Variants in RASGRF1 observed in about 807,000 individuals in gnomAD.
RASGRF1 encodes the protein ras-specific guanine nucleotide-releasing factor 1.
A neutral mutation model predicts 138.7 loss-of-function variants in RASGRF1; 40 were observed. The ratio of observed to expected loss-of-function variants is 0.29; its 90% CI spans 0.22 to 0.38. The LOEUF (loss-of-function observed/expected upper bound fraction) is 0.38. Among genes scored for constraint, RASGRF1 ranks in the 10% least tolerant of loss-of-function variants. The probability of loss-of-function intolerance (pLI) is 1.00; values close to 1 mark genes in which losing one functional copy is unlikely to be tolerated. For synonymous variants in RASGRF1, 614 were observed against 663.2 expected, an observed-to-expected ratio of 0.93 and a Z score of 1.14; for missense variants, 1,108 against 1,650.4, an observed-to-expected ratio of 0.67 and a Z score of 5.69.
At chr15:79,062,112 G>T (rs1287583625) in intron 2 of RASGRF1, among the ~76,000 whole-genome samples, 2 of 152,084 alleles carry the variant, frequency 1.3e-5, no homozygotes, top group East Asian at 3.8e-4. Flanking sequence ...ATAAGTATTG[G>T]TATTTCATTA....
At chr15:79,039,296 C>CAAAAAAAA (rs71148587) in intron 5 of RASGRF1, among the ~76,000 whole-genome samples, 2 of 50,370 alleles carry the variant, frequency 4.0e-5, no homozygotes, top group Admixed American at 2.7e-4. Flanking sequence ...GACCCTGTCT[C>CAAAAAAAA]AAAAAAAAAA....
intron 20 of RASGRF1, among the ~76,000 whole-genome samples, chr15:78,995,286 C>CT (rs2056367196): frequency 3.0e-5 from 2 of 66,764 alleles, no homozygotes; most frequent in South Asian, 8.8e-4. Flanking sequence ...TTTCTTTTTT[C>CT]TTTCTTTTTT....
rs756787697 is a variant in RASGRF1, at chr15:78,971,911, A to G, written c.3636T>C (p.Ile1212=). 2 of 1,588,316 alleles carry G rather than the reference A, an allele frequency of 1.3e-6. No homozygotes were observed. The highest frequency in any genetic ancestry group is 1.7e-6 in the Non-Finnish European group (2 of 1,156,434). ...TGTAGGCAGTTTGTTGAAACTGGCG[A>G]ATCTCTCGGATAATATGGGATATCT... ...MRMISHIIRE[I]RQFQQTAYKI... Residue 1212 remains isoleucine (I), a synonymous_variant, in exon 26 of 27, where the codon ATT becomes ATC. Transcript: ENST00000558480.
rs556311421 is a variant in RASGRF1, at chr15:79,005,244, G to A, written c.2075+942C>T. ...AGAGGGAACGGGTGTATTCTGGGTCGTTGCGTTGCTCTGGCAGCAGAGGTG... is the reference window on the plus strand; with the variant it reads ...AGAGGGAACGGGTGTATTCTGGGTCATTGCGTTGCTCTGGCAGCAGAGGTG... On this transcript the variant is annotated intron_variant, in intron 14 of 26. Coordinates refer to ENST00000558480, the MANE Select transcript of RASGRF1 (RefSeq NM_001145648.3). The A allele has an allele frequency of 7.9e-5, 78 of 985,648 alleles. No individual in the cohort carries two copies. The South Asian group carries it at 2.4e-3, about 30-fold the overall frequency. The allele number at this position is 985,648 out of a possible 1,614,324, so 61.1% of individuals were successfully genotyped here. A position where few individuals can be genotyped will look rare whatever the true frequency, so the allele number is the denominator to read the frequency against.
chr15:79,025,096 C>T (rs1460063365), intron 10 of RASGRF1, among the ~76,000 whole-genome samples: 4 of 152,190 alleles, frequency 2.6e-5, no homozygotes, highest in Non-Finnish European at 5.9e-5. Context: ...CCTCGATTCT[C>T]ACCTTCCCAT....
rs1209360886 is a variant in RASGRF1, at chr15:78,961,014, G to A, written c.*1130C>T. 1.3e-5 allele frequency: 2 copies of A among 152,196 alleles called. No homozygotes were observed. The highest frequency in any genetic ancestry group is 4.8e-5 in the African/African-American group (2 of 41,456). 9.4% of individuals were successfully genotyped at this position (152,196 alleles called of 1,614,324 possible). On this transcript the variant is annotated 3_prime_UTR_variant, in exon 27 of 27. Coordinates refer to ENST00000558480, the MANE Select transcript of RASGRF1 (RefSeq NM_001145648.3). ...CAAGCTGTAAGTTGAAATATTTTAG[G>A]ACTTGAAATAGAATTCTCATACCAC...
chr15:79,033,885 C>T (rs911828712), intron 6 of RASGRF1, among the ~76,000 whole-genome samples: 5 of 152,154 alleles, frequency 3.3e-5, no homozygotes, highest in Non-Finnish European at 7.4e-5. Context: ...TCACCGTGCT[C>T]GGCCAAAACA....
intron 25 of RASGRF1, among the ~76,000 whole-genome samples, chr15:78,972,592 C>T (rs868836398): frequency 1.1e-4 from 16 of 152,106 alleles, no homozygotes; most frequent in Non-Finnish European, 2.9e-5. Context: ...TTCCTTAGCG[C>T]CTGCTGTGCA....
chr15:79,022,830 A>G (rs75537773), intron 10 of RASGRF1, among the ~76,000 whole-genome samples: 17,478 of 152,248 alleles, frequency 0.11, 1,235 homozygotes, highest in Middle Eastern at 0.16. Flanking sequence ...GTTATGGGCC[A>G]GGCATCCAGG....
At chr15:79,005,818 C>T (rs1175487754) in intron 14 of RASGRF1, among the ~76,000 whole-genome samples, 1 of 148,670 alleles carries the variant, frequency 6.7e-6, no homozygotes, top group East Asian at 2.1e-4. Flanking sequence ...CCTTCCCCTC[C>T]TCATTTCCTT....
chr15:79,059,094 A>C, intron 2 of RASGRF1, among the ~76,000 whole-genome samples: 1 of 148,160 alleles, frequency 6.7e-6, no homozygotes, highest in Non-Finnish European at 1.5e-5. Flanking sequence ...CCCTCTTCCA[A>C]CCCTCCCTCC....
rs1407586049 is a variant in RASGRF1 at position 78,966,340 on chromosome 15, G to C, written c.3682-4104C>G. On this transcript the variant is annotated intron_variant, in intron 26 of 26. Coordinates refer to ENST00000558480, the MANE Select transcript of RASGRF1 (RefSeq NM_001145648.3). ...TAGCCTCAACCTCTTGGGCTCAAGT[G>C]ATCTTTCTGCCTTAGCCTCCTGAGT... Among the ~76,000 whole-genome samples, 3 of 149,250 alleles carry C rather than the reference G, an allele frequency of 2.0e-5. No individual in the cohort carries two copies. The Admixed American group carries it at 2.0e-4, about 10-fold the overall frequency.
At chr15:79,026,606 C>T (rs893635155) in intron 9 of RASGRF1, among the ~76,000 whole-genome samples, 2 of 152,156 alleles carry the variant, frequency 1.3e-5, no homozygotes, top group African/African-American at 2.4e-5. Flanking sequence ...AAGTGAGAAA[C>T]GCCTTGCAGA....
Position 79,090,593 on chromosome 15 carries a change from T to G in RASGRF1, c.-95A>C. On this transcript the variant is annotated 5_prime_UTR_variant, in exon 1 of 27. Coordinates refer to ENST00000558480, the MANE Select transcript of RASGRF1 (RefSeq NM_001145648.3). ...GCTGCGCGCTGCCTCTCTCTGGCGC[T>G]CGCTCGCTCGCTCCCTCTAGCTCTC... 2 of 1,506,866 alleles carry G rather than the reference T, an allele frequency of 1.3e-6. No homozygotes were observed. Among genetic ancestry groups the G allele is most frequent in the Non-Finnish European group, 1.8e-6 (2 of 1,114,544 alleles). The allele number at this position is 1,506,866 out of a possible 1,614,324, so 93.3% of individuals were successfully genotyped here.
intron 24 of RASGRF1, among the ~76,000 whole-genome samples, chr15:78,975,588 T>C: frequency 6.6e-6 from 1 of 151,764 alleles, no homozygotes; most frequent in East Asian, 1.9e-4. Context: ...CACAGCTCAC[T>C]GCAGCCTTGA....
In RASGRF1 at chr15:79,027,606, A is replaced by G. The variant is rs2057078226; in HGVS notation, c.1381+135T>C. ...TGTTGCATTCCGCCAGCAGCCTGGG[A>G]ATATTCTGCAATCACATTGGCAGGT... On this transcript the variant is annotated intron_variant, in intron 9 of 26. Transcript: ENST00000558480. The surrounding 1 kb of genome is among the most constrained non-coding windows in gnomAD (Gnocchi z 4.8). 2 of 708,910 alleles carry G rather than the reference A, an allele frequency of 2.8e-6. No homozygotes were observed. The highest frequency in any genetic ancestry group is 2.5e-5 in the Admixed American group (1 of 40,384). The allele number at this position is 708,910 out of a possible 1,614,324, so 43.9% of individuals were successfully genotyped here. A position where few individuals can be genotyped will look rare whatever the true frequency, so the allele number is the denominator to read the frequency against.
chr15:79,002,328 A>T (rs752816618), intron 15 of RASGRF1, among the ~76,000 whole-genome samples: 3 of 152,130 alleles, frequency 2.0e-5, no homozygotes, highest in Non-Finnish European at 4.4e-5. Context: ...CTCCTGGTCC[A>T]CACACCCTGG....
In RASGRF1 at chr15:79,027,578, A is replaced by G. The variant is rs555911042; in HGVS notation, c.1381+163T>C. Among the ~76,000 whole-genome samples the G allele has an allele frequency of 6.6e-6, 1 of 152,372 alleles. No individual in the cohort carries two copies. The highest frequency in any genetic ancestry group is 1.9e-4 in the East Asian group (1 of 5,192). ...TGTATAGATACTGACATCTACATAT[A>G]GCTGTTGCATTCCGCCAGCAGCCTG... is the stretch of plus-strand genomic sequence containing the variant. On this transcript the variant is annotated intron_variant, in intron 9 of 26. Transcript: ENST00000558480. This position sits in a 1 kb window ranked among gnomAD's most constrained non-coding sequence, Gnocchi z 4.8.
chr15:79,072,085 C>T (rs544582506), intron 1 of RASGRF1, among the ~76,000 whole-genome samples: 1 of 152,106 alleles, frequency 6.6e-6, no homozygotes, highest in Admixed American at 6.6e-5. Context: ...GGAGGAGTCA[C>T]AGGCCTGCTT....
Sources: allele counts gnomAD v4.1 joint callset (sites outside exome capture counted in the v4.1 genomes callset), GRCh38; gene constraint gnomAD v4.1.1; non-coding constraint Gnocchi (gnomAD v3.1); transcripts MANE v1.5; gene names NCBI Gene and HGNC (gene_info 2026-07-23, HGNC 2026-07-21).